TMEM135: variants seen among roughly 807,000 people sequenced by gnomAD.
TMEM135 encodes the protein peroxisomal membrane protein 52.
In TMEM135, 30 loss-of-function variants were observed where a neutral mutation model predicts 60.3. The observed-to-expected ratio is 0.50, with a 90% CI of 0.37 to 0.68. TMEM135 has a LOEUF of 0.68. TMEM135 is among the 30% of genes least tolerant of loss of function. The pLI, the probability that TMEM135 is intolerant of heterozygous loss-of-function variation, is 0.00. For synonymous variants in TMEM135, 190 were observed against 186.7 expected (o/e 1.02, Z -0.14); for missense variants, 468 against 548.8 (o/e 0.85, Z 1.47).
chr11:87,110,241 A>G (rs1039970191), intron 4 of TMEM135, among the ~76,000 whole-genome samples: 5 of 152,172 alleles, frequency 3.3e-5, no homozygotes, highest in African/African-American at 1.2e-4. Flanking sequence ...TCCAACTCAA[A>G]TTACCAAAAA....
In TMEM135 at chr11:87,191,195, G is replaced by A. The variant is rs545265; in HGVS notation, c.462+33789G>A. On this transcript the variant is annotated intron_variant, in intron 5 of 14. Coordinates refer to ENST00000305494, the MANE Select transcript of TMEM135 (RefSeq NM_022918.4). The stretch of plus-strand genomic sequence containing the variant: ...GATAGGGCAAGGAGGAAGCCACAAT[G>A]TCTATTATCTCCTGATATCAGAAGT... Among the ~76,000 whole-genome samples the A allele has an allele frequency of 3.2e-3, 493 of 151,714 alleles. 5 individuals carry two copies. The East Asian group carries it at 0.034, about 10-fold the overall frequency.
At chr11:87,053,170 C>T (rs1221943437) in intron 1 of TMEM135, among the ~76,000 whole-genome samples, 2 of 69,156 alleles carry the variant, frequency 2.9e-5, no homozygotes, top group East Asian at 8.7e-4. Flanking sequence ...GTGGTGGGGT[C>T]GGGGGAGGGG....
chr11:87,298,535 TC>T (rs1942387351), intron 7 of TMEM135, among the ~76,000 whole-genome samples: 1 of 152,140 alleles, frequency 6.6e-6, no homozygotes, highest in African/African-American at 2.4e-5. Flanking sequence ...ACGCCTCTAA[TC>T]CCAGCACTTT....
intron 4 of TMEM135, among the ~76,000 whole-genome samples, chr11:87,154,994 T>TATTC (rs1349117314): frequency 3.1e-5 from 2 of 65,398 alleles, no homozygotes; most frequent in Non-Finnish European, 5.9e-5. Flanking sequence ...CAGTTTTATT[T>TATTC]ATTTATTTAT....
chr11:87,067,865 A>C, intron 2 of TMEM135, 44 bp downstream of exon 2: 1 of 1,607,912 alleles, frequency 6.2e-7, no homozygotes, highest in Non-Finnish European at 8.5e-7. Flanking sequence ...AGGTTCTTCT[A>C]TTGAAATGGA....
intron 5 of TMEM135, among the ~76,000 whole-genome samples, chr11:87,171,808 A>T (rs1320027659): frequency 6.6e-6 from 1 of 152,078 alleles, no homozygotes; most frequent in African/African-American, 2.4e-5. Context: ...TTTGGGATGA[A>T]ACTGTTCTAC....
At chr11:87,120,298 A>G (rs544484213) in intron 4 of TMEM135, among the ~76,000 whole-genome samples, 1 of 151,344 alleles carries the variant, frequency 6.6e-6, no homozygotes, top group East Asian at 1.9e-4. Flanking sequence ...TAGAGATGGC[A>G]TCTCACTGTG....
chr11:87,187,379 G>A (rs1249663705), intron 5 of TMEM135, among the ~76,000 whole-genome samples: 1 of 152,188 alleles, frequency 6.6e-6, no homozygotes, highest in Non-Finnish European at 1.5e-5. Flanking sequence ...TGAAAACAGG[G>A]AATGGAGAAA....
At chr11:87,299,769 T>C (rs1299179464) in intron 7 of TMEM135, among the ~76,000 whole-genome samples, 2 of 152,108 alleles carry the variant, frequency 1.3e-5, no homozygotes, top group African/African-American at 4.8e-5. Flanking sequence ...AGGAATATAT[T>C]TTAGGCAAAC....
chr11:87,242,789 C>A (rs1300477776), intron 6 of TMEM135, among the ~76,000 whole-genome samples: 2 of 140,560 alleles, frequency 1.4e-5, no homozygotes. Context: ...AAATTTTCTC[C>A]CATTTTGTAG....
At chr11:87,076,605 G>A (rs1219614646) in intron 3 of TMEM135, among the ~76,000 whole-genome samples, 1 of 152,190 alleles carries the variant, frequency 6.6e-6, no homozygotes, top group Admixed American at 6.5e-5. Flanking sequence ...CAGACAGAAG[G>A]AGTCTTTTGC....
At chr11:87,085,030 A>G (rs1047269489) in intron 3 of TMEM135, among the ~76,000 whole-genome samples, 1 of 152,226 alleles carries the variant, frequency 6.6e-6, no homozygotes, top group African/African-American at 2.4e-5. Context: ...CTTCAGATTT[A>G]GGCTAAATAT....
intron 1 of TMEM135, among the ~76,000 whole-genome samples, chr11:87,042,954 G>GTTTTTTTT (rs201655891): frequency 8.0e-6 from 1 of 125,408 alleles, no homozygotes; most frequent in African/African-American, 3.2e-5. Context: ...CTGTAGTTTT[G>GTTTTTTTT]TTTTGTTTTT....
At chr11:87,266,706 G>C (rs1941755027) in intron 6 of TMEM135, among the ~76,000 whole-genome samples, 1 of 152,190 alleles carries the variant, frequency 6.6e-6, no homozygotes, top group African/African-American at 2.4e-5. Context: ...GGTCATATCT[G>C]TTAGCTTCTA....
At chr11:87,218,771 G>A (rs980203424) in intron 5 of TMEM135, among the ~76,000 whole-genome samples, 12 of 152,118 alleles carry the variant, frequency 7.9e-5, no homozygotes, top group South Asian at 2.1e-4. Context: ...AGATCAGCCC[G>A]GCCAATATGG....
chr11:87,151,603 T>G (rs1210654944), intron 4 of TMEM135, among the ~76,000 whole-genome samples: 4 of 143,912 alleles, frequency 2.8e-5, no homozygotes, highest in African/African-American at 7.8e-5. Context: ...GTGGGTCTTT[T>G]ACCTATTTCA....
chr11:87,075,284 G>C (rs1173042944), intron 3 of TMEM135, among the ~76,000 whole-genome samples: 1 of 151,890 alleles, frequency 6.6e-6, no homozygotes, highest in South Asian at 2.1e-4. Flanking sequence ...TCAGCCTGCC[G>C]AGTAGCTGGG....
chr11:87,152,465 A>G (rs928453275), intron 4 of TMEM135, among the ~76,000 whole-genome samples: 1 of 151,934 alleles, frequency 6.6e-6, no homozygotes, highest in Non-Finnish European at 1.5e-5. Flanking sequence ...ATGTTACTTT[A>G]TTTTTTGAGA....
chr11:87,247,604 A>T (rs527243), intron 6 of TMEM135, among the ~76,000 whole-genome samples: 100,162 of 151,938 alleles, frequency 0.66, 33,593 homozygotes, highest in Non-Finnish European at 0.71. Context: ...CAGTTTGATC[A>T]CAGACTGCTG....
Sources: allele counts gnomAD v4.1 joint callset (sites outside exome capture counted in the v4.1 genomes callset), GRCh38; gene constraint gnomAD v4.1.1; transcripts MANE v1.5; gene names NCBI Gene and HGNC (gene_info 2026-07-23, HGNC 2026-07-21).